FBXL17: variants seen among roughly 807,000 people sequenced by gnomAD.
The protein encoded by FBXL17 is F-box/LRR-repeat protein 17.
In FBXL17, 22 loss-of-function variants were observed where a neutral mutation model predicts 66.2. The ratio of observed to expected loss-of-function variants is 0.33; its 90% confidence interval spans 0.24 to 0.47. The LOEUF (loss-of-function observed/expected upper bound fraction) is 0.47. Among genes scored for constraint, FBXL17 ranks in the 20% least tolerant of loss-of-function variants. The pLI, the probability that FBXL17 is intolerant of heterozygous loss-of-function variation, is 1.00. For synonymous variants in FBXL17, 474 were observed against 400.5 expected (o/e 1.18, Z -2.19); for missense variants, 878 against 948.2 (o/e 0.93, Z 0.97).
chr5:108,271,940 T>C (rs1030744827), intron 4 of FBXL17, among the ~76,000 whole-genome samples: 4 of 152,124 alleles, frequency 2.6e-5, no homozygotes, highest in Non-Finnish European at 2.9e-5. Context: ...ATGGGCCTTA[T>C]AGGGTGGTAA....
chr5:108,325,101 G>A (rs1423382010), intron 4 of FBXL17, among the ~76,000 whole-genome samples: 2 of 152,006 alleles, frequency 1.3e-5, no homozygotes, highest in Non-Finnish European at 2.9e-5. Flanking sequence ...AAGATAACGA[G>A]AGTTTTGGAG....
intron 6 of FBXL17, among the ~76,000 whole-genome samples, chr5:108,104,649 A>C (rs1291973716): frequency 6.6e-6 from 1 of 152,222 alleles, no homozygotes; most frequent in African/African-American, 2.4e-5. Flanking sequence ...AAAACATTAA[A>C]TAAAAACAAA....
intron 4 of FBXL17, among the ~76,000 whole-genome samples, chr5:108,320,449 A>G (rs981054602): frequency 6.6e-6 from 1 of 151,676 alleles, no homozygotes; most frequent in South Asian, 2.1e-4. Context: ...AAAGCATCCA[A>G]AAAAAAATTT....
intron 6 of FBXL17, among the ~76,000 whole-genome samples, chr5:108,177,325 T>C (rs1752829504): frequency 6.6e-6 from 1 of 152,152 alleles, no homozygotes; most frequent in Admixed American, 6.5e-5. Flanking sequence ...AAAATTACTT[T>C]TTACCAAAAA....
Position 108,256,779 on chromosome 5 carries a change from A to G in FBXL17, c.1507-32551T>C, listed in dbSNP as rs555597680. Among the ~76,000 whole-genome samples, 146 of 152,106 alleles carry G rather than the reference A, an allele frequency of 9.6e-4. 2 individuals carry two copies. The highest frequency in any genetic ancestry group is 3.4e-3 in the African/African-American group (140 of 41,520). On this transcript the variant is annotated intron_variant, in intron 4 of 8. Coordinates refer to ENST00000542267, the MANE Select transcript of FBXL17 (RefSeq NM_001163315.3). ...ATTTATCATTCCTATTATTCCTATT[A>G]TACTATTCCTATTATTCCTTCTCCT...
chr5:108,009,296 T>TAGATAGATAGATAGATAG (rs1442694841), intron 7 of FBXL17, among the ~76,000 whole-genome samples: 2 of 32,426 alleles, frequency 6.2e-5, no homozygotes, highest in Non-Finnish European at 1.4e-4. Flanking sequence ...TATATATATA[T>TAGATAGATAGATAGATAG]ATATACATAT....
intron 7 of FBXL17, among the ~76,000 whole-genome samples, chr5:107,944,576 C>T (rs1051337145): frequency 2.0e-5 from 3 of 152,168 alleles, no homozygotes; most frequent in Non-Finnish European, 4.4e-5. Flanking sequence ...AAGTAAGGAA[C>T]AGCAGACATT....
chr5:108,274,624 G>A (rs1399715018), intron 4 of FBXL17, among the ~76,000 whole-genome samples: 9 of 152,154 alleles, frequency 5.9e-5, no homozygotes, highest in Non-Finnish European at 1.2e-4. Flanking sequence ...GACAGGCATA[G>A]GAAATCACAA....
intron 6 of FBXL17, among the ~76,000 whole-genome samples, chr5:108,151,886 G>C (rs1378810255): frequency 6.6e-6 from 1 of 152,130 alleles, no homozygotes; most frequent in Non-Finnish European, 1.5e-5. Context: ...GATATCAAAG[G>C]CAACAAGAAT....
At chr5:107,997,844 A>G (rs1041286568) in intron 7 of FBXL17, among the ~76,000 whole-genome samples, 1 of 152,206 alleles carries the variant, frequency 6.6e-6, no homozygotes, top group East Asian at 1.9e-4. Context: ...AACAAAATAA[A>G]ATTCATGTTC....
At chr5:108,261,952 T>G (rs555993364) in intron 4 of FBXL17, among the ~76,000 whole-genome samples, 3 of 152,010 alleles carry the variant, frequency 2.0e-5, no homozygotes, top group East Asian at 3.9e-4. Context: ...TTATAAACCT[T>G]TCTCAAGATT....
At chr5:108,035,018 T>C (rs1746786807) in intron 6 of FBXL17, among the ~76,000 whole-genome samples, 3 of 152,182 alleles carry the variant, frequency 2.0e-5, no homozygotes, top group Admixed American at 1.3e-4. Context: ...ACATAATTTT[T>C]TTCTACTAAT....
At chr5:107,891,265 G>A (rs1235654545) in intron 7 of FBXL17, among the ~76,000 whole-genome samples, 1 of 152,288 alleles carries the variant, frequency 6.6e-6, no homozygotes, top group East Asian at 1.9e-4. Flanking sequence ...GTTGAGATGA[G>A]AAACAGGGAG....
At chr5:108,184,515 G>A (rs1753145420) in intron 6 of FBXL17, among the ~76,000 whole-genome samples, 1 of 151,866 alleles carries the variant, frequency 6.6e-6, no homozygotes, top group South Asian at 2.1e-4. Context: ...CACCATGTTA[G>A]CCAGGATGGT....
At chr5:108,145,926 A>T (rs1751536878) in intron 6 of FBXL17, among the ~76,000 whole-genome samples, 1 of 151,824 alleles carries the variant, frequency 6.6e-6, no homozygotes, top group Non-Finnish European at 1.5e-5. Flanking sequence ...ATAAGATATT[A>T]AGACTCATCA....
At chr5:108,143,347 T>TCACA (rs67696841) in intron 6 of FBXL17, among the ~76,000 whole-genome samples, 21,573 of 147,684 alleles carry the variant, frequency 0.15, 1,852 homozygotes, top group East Asian at 0.37. Flanking sequence ...AACAGCATTC[T>TCACA]CACACACACA....
At chr5:108,071,532 T>A (rs1184605715) in intron 6 of FBXL17, among the ~76,000 whole-genome samples, 1 of 152,174 alleles carries the variant, frequency 6.6e-6, no homozygotes. Context: ...CTTAATTCCA[T>A]GTCAATTCCC....
chr5:108,112,233 A>G (rs963279535), intron 6 of FBXL17, among the ~76,000 whole-genome samples: 22 of 77,472 alleles, frequency 2.8e-4, no homozygotes, highest in Non-Finnish European at 6.4e-4. Flanking sequence ...GGTCACATAA[A>G]AAAGAAAACT....
intron 6 of FBXL17, among the ~76,000 whole-genome samples, chr5:108,101,247 A>G (rs140738583): frequency 6.6e-6 from 1 of 152,362 alleles, no homozygotes; most frequent in East Asian, 1.9e-4. Flanking sequence ...GAGAAATTCA[A>G]TGTGTGTACA....
Sources: allele counts gnomAD v4.1 joint callset (sites outside exome capture counted in the v4.1 genomes callset), GRCh38; gene constraint gnomAD v4.1.1; transcripts MANE v1.5; gene names NCBI Gene and HGNC (gene_info 2026-07-23, HGNC 2026-07-21).